LRMDA: variants seen among roughly 807,000 people sequenced by gnomAD.
LRMDA encodes the protein leucine rich melanocyte differentiation associated, also known as leucine-rich melanocyte differentiation-associated protein.
LRMDA carries 18 observed loss-of-function variants against 29.8 expected under a neutral mutation model. The observed-to-expected ratio is 0.60, with a 90% CI of 0.42 to 0.90. LRMDA has a LOEUF of 0.90. Ranked by LOEUF, LRMDA falls within the 40% of genes least tolerant of loss-of-function variation. LRMDA has a pLI of 0.00. For synonymous variants in LRMDA, 125 were observed against 109.4 expected, an observed-to-expected ratio of 1.14 and a Z score of -0.89; for missense variants, 273 against 273.9, an observed-to-expected ratio of 1.00 and a Z score of 0.02.
intron 6 of LRMDA, among the ~76,000 whole-genome samples, chr10:76,454,698 CCT>C (rs1216817693): frequency 6.7e-6 from 1 of 148,896 alleles, no homozygotes; most frequent in Non-Finnish European, 1.5e-5. Context: ...TGTGGATTCC[CCT>C]GTTGTGCCCA....
intron 2 of LRMDA, among the ~76,000 whole-genome samples, chr10:76,033,157 C>T (rs1216415478): frequency 6.6e-6 from 1 of 152,138 alleles, no homozygotes. Flanking sequence ...AACCTATCTT[C>T]CCCAGTACTC....
At chr10:75,985,963 G>A (rs1022163130) in intron 2 of LRMDA, among the ~76,000 whole-genome samples, 1 of 152,214 alleles carries the variant, frequency 6.6e-6, no homozygotes, top group African/African-American at 2.4e-5. Context: ...TGGTAGAAAG[G>A]CTCTTGTATC....
At chr10:75,485,016 A>G (rs953842784) in intron 2 of LRMDA, among the ~76,000 whole-genome samples, 1 of 152,268 alleles carries the variant, frequency 6.6e-6, no homozygotes, top group Non-Finnish European at 1.5e-5. Flanking sequence ...CAAACAGTTC[A>G]GATAGAATTT....
chr10:76,412,115 G>A (rs1234392515), intron 6 of LRMDA, among the ~76,000 whole-genome samples: 2 of 152,194 alleles, frequency 1.3e-5, no homozygotes, highest in African/African-American at 2.4e-5. Context: ...TGACTCACCA[G>A]CTGGAGGCTT....
intron 2 of LRMDA, among the ~76,000 whole-genome samples, chr10:75,541,588 G>A (rs1282588542): frequency 6.6e-6 from 1 of 152,128 alleles, no homozygotes; most frequent in Non-Finnish European, 1.5e-5. Context: ...AGGATTGTAG[G>A]AGGAATACAT....
chr10:76,139,015 G>A (rs964773544), intron 5 of LRMDA, among the ~76,000 whole-genome samples: 4 of 152,050 alleles, frequency 2.6e-5, no homozygotes, highest in African/African-American at 9.7e-5. Context: ...CTTTAGTTTG[G>A]TGTGTTCATC....
chr10:76,185,886 C>G (rs1399788305), intron 5 of LRMDA, among the ~76,000 whole-genome samples: 3 of 152,136 alleles, frequency 2.0e-5, no homozygotes, highest in African/African-American at 7.2e-5. Flanking sequence ...TCACTGATAT[C>G]AAAGGCTTCT....
chr10:75,778,029 C>T (rs1486834404), intron 2 of LRMDA, among the ~76,000 whole-genome samples: 1 of 152,110 alleles, frequency 6.6e-6, no homozygotes, highest in African/African-American at 2.4e-5. Context: ...CTGGGGAGAT[C>T]CACCCTAGCC....
intron 2 of LRMDA, chr10:75,451,561 T>G (rs1292385448): frequency 6.6e-6 from 1 of 152,228 alleles, no homozygotes; most frequent in Non-Finnish European, 1.5e-5. Context: ...CTAATTGATT[T>G]ATCTTTACTT....
At chr10:76,468,572 A>AT (rs1012595713) in intron 6 of LRMDA, among the ~76,000 whole-genome samples, 14 of 152,096 alleles carry the variant, frequency 9.2e-5, no homozygotes, top group Non-Finnish European at 1.8e-4. Context: ...CAAAGAAAAC[A>AT]TTTTTTTCAC....
At chr10:75,979,977 TTC>T (rs998781714) in intron 2 of LRMDA, among the ~76,000 whole-genome samples, 1 of 152,210 alleles carries the variant, frequency 6.6e-6, no homozygotes, top group African/African-American at 2.4e-5. Flanking sequence ...TAATTTACTT[TTC>T]TCTCTCTTTC....
At chr10:76,204,258 G>T (rs1851492955) in intron 5 of LRMDA, among the ~76,000 whole-genome samples, 1 of 128,184 alleles carries the variant, frequency 7.8e-6, no homozygotes, top group African/African-American at 3.1e-5. Context: ...TCTATTCCAT[G>T]TGCCCATCCA....
intron 6 of LRMDA, among the ~76,000 whole-genome samples, chr10:76,540,005 C>CAT (rs1365439408): frequency 6.7e-6 from 1 of 148,286 alleles, no homozygotes; most frequent in Non-Finnish European, 1.5e-5. Flanking sequence ...CACACACACA[C>CAT]ATTCCTTGTA....
chr10:76,501,450 C>A (rs564029577), intron 6 of LRMDA, among the ~76,000 whole-genome samples: 12 of 152,106 alleles, frequency 7.9e-5, no homozygotes, highest in African/African-American at 2.9e-4. Flanking sequence ...AATTTACAGA[C>A]TGCCTTCCAC....
At chr10:76,095,844 T>C (rs1005401280) in intron 5 of LRMDA, among the ~76,000 whole-genome samples, 2 of 152,162 alleles carry the variant, frequency 1.3e-5, no homozygotes, top group African/African-American at 4.8e-5. Context: ...TTCAAATCTT[T>C]TGTCCATTTA....
intron 2 of LRMDA, among the ~76,000 whole-genome samples, chr10:75,464,103 G>C (rs1292783904): frequency 1.3e-5 from 2 of 152,190 alleles, no homozygotes; most frequent in Non-Finnish European, 2.9e-5. Context: ...CGCCCATCCT[G>C]TTCTGGATGA....
At chr10:76,490,662 A>G (rs1234352832) in intron 6 of LRMDA, among the ~76,000 whole-genome samples, 1 of 151,918 alleles carries the variant, frequency 6.6e-6, no homozygotes, top group Non-Finnish European at 1.5e-5. Flanking sequence ...TTTTCAGTCT[A>G]TGTATGTCTT....
At chr10:75,530,155 A>G (rs1334636389) in intron 2 of LRMDA, among the ~76,000 whole-genome samples, 1 of 152,014 alleles carries the variant, frequency 6.6e-6, no homozygotes, top group Non-Finnish European at 1.5e-5. Flanking sequence ...AATAAAGAAG[A>G]AGGCTAAAAA....
At chr10:75,895,769 T>C (rs1845570514) in intron 2 of LRMDA, among the ~76,000 whole-genome samples, 1 of 152,204 alleles carries the variant, frequency 6.6e-6, no homozygotes, top group Non-Finnish European at 1.5e-5. Context: ...CTTTCTGAAA[T>C]AAGCGGGTTT....
Sources: allele counts gnomAD v4.1 joint callset (sites outside exome capture counted in the v4.1 genomes callset), GRCh38; gene constraint gnomAD v4.1.1; transcripts MANE v1.5; gene names NCBI Gene and HGNC (gene_info 2026-07-23, HGNC 2026-07-21).